PCDH15: variants seen among roughly 807,000 people sequenced by gnomAD.
PCDH15 encodes protocadherin related 15, also known as protocadherin-15.
In PCDH15, 129 loss-of-function variants were observed where a neutral mutation model predicts 178.5. That is an observed-to-expected ratio of 0.72 (90% confidence interval 0.63 to 0.84). The LOEUF (loss-of-function observed/expected upper bound fraction) is 0.84. Among genes scored for constraint, PCDH15 ranks in the 40% least tolerant of loss-of-function variants. The pLI is 0.00. For missense variants in PCDH15, 2,230 were observed against 2,099.9 expected (o/e 1.06, Z -1.21); for synonymous variants, 800 against 732.0 (o/e 1.09, Z -1.50).
intron 2 of PCDH15, among the ~76,000 whole-genome samples, chr10:55,109,679 T>C (rs1837448634): frequency 6.6e-6 from 1 of 152,152 alleles, no homozygotes; most frequent in Non-Finnish European, 1.5e-5. Context: ...TGCCTTTTCC[T>C]TCTGCTTCCT....
chr10:53,909,881 G>A (rs908827383), intron 25 of PCDH15, among the ~76,000 whole-genome samples: 6 of 152,192 alleles, frequency 3.9e-5, no homozygotes, highest in East Asian at 1.9e-4. Flanking sequence ...TGAGTCCCAT[G>A]CCCACGAAGC....
intron 2 of PCDH15, among the ~76,000 whole-genome samples, chr10:54,978,198 G>A (rs1839124888): frequency 6.6e-6 from 1 of 152,044 alleles, no homozygotes; most frequent in South Asian, 2.1e-4. Context: ...AACTAGTAAA[G>A]GTAATATAGA....
At chr10:55,451,550 C>T (rs1276169264) in intron 2 of PCDH15, among the ~76,000 whole-genome samples, 1 of 151,974 alleles carries the variant, frequency 6.6e-6, no homozygotes, top group African/African-American at 2.4e-5. Flanking sequence ...TACTGTGGCA[C>T]ATTAAAATTT....
intron 1 of PCDH15, among the ~76,000 whole-genome samples, chr10:54,781,613 AATAT>A (rs1950366520): frequency 6.6e-6 from 1 of 152,154 alleles, no homozygotes; most frequent in Admixed American, 6.6e-5. Context: ...TTTTCCAATA[AATAT>A]ACTGTGAATG....
chr10:54,287,888 G>T (rs1207940851), intron 8 of PCDH15, among the ~76,000 whole-genome samples: 1 of 152,136 alleles, frequency 6.6e-6, no homozygotes, highest in Non-Finnish European at 1.5e-5. Context: ...TCTGGTTAGA[G>T]ATGGACTCTG....
chr10:54,797,325 A>C (rs1384354822), intron 1 of PCDH15, among the ~76,000 whole-genome samples: 1 of 151,996 alleles, frequency 6.6e-6, no homozygotes, highest in African/African-American at 2.4e-5. Flanking sequence ...CATTTTCTTT[A>C]GTTTTTTGAA....
chr10:54,251,959 T>C (rs1046176389), intron 8 of PCDH15, among the ~76,000 whole-genome samples: 1 of 151,722 alleles, frequency 6.6e-6, no homozygotes, highest in African/African-American at 2.4e-5. Context: ...TCTTATTAAA[T>C]ATATGCTCCC....
chr10:54,571,674 G>A (rs1276527574), intron 2 of PCDH15, among the ~76,000 whole-genome samples: 1 of 152,126 alleles, frequency 6.6e-6, no homozygotes, highest in Non-Finnish European at 1.5e-5. Context: ...AAATGGGAGT[G>A]ATGAATAGCT....
intron 15 of PCDH15, among the ~76,000 whole-genome samples, chr10:54,107,866 T>C (rs2094945484): frequency 2.0e-5 from 3 of 152,230 alleles, no homozygotes; most frequent in South Asian, 4.2e-4. Context: ...AAGGAGGTCA[T>C]TCAAGATGTC....
chr10:55,488,189 T>C (rs1840339193), intron 2 of PCDH15, among the ~76,000 whole-genome samples: 1 of 151,674 alleles, frequency 6.6e-6, no homozygotes. Flanking sequence ...GTGTATATTT[T>C]CTTTAAAGTC....
intron 2 of PCDH15, among the ~76,000 whole-genome samples, chr10:55,566,841 TGTC>T (rs1842312063): frequency 2.0e-5 from 3 of 152,004 alleles, no homozygotes; most frequent in Admixed American, 2.0e-4. Flanking sequence ...ATTGTTATAA[TGTC>T]AACACCACAG....
At chr10:54,950,020 T>A (rs1331229491) in intron 2 of PCDH15, among the ~76,000 whole-genome samples, 1 of 152,026 alleles carries the variant, frequency 6.6e-6, no homozygotes, top group Non-Finnish European at 1.5e-5. Context: ...AACCTCTGCC[T>A]CTTACCAAGT....
At chr10:55,248,278 A>C (rs775443907) in intron 1 of PCDH15, among the ~76,000 whole-genome samples, 82 of 152,046 alleles carry the variant, frequency 5.4e-4, no homozygotes, top group Non-Finnish European at 1.8e-4. Flanking sequence ...TCATTTTGAA[A>C]AAAACACTTA....
chr10:54,553,339 T>C, intron 2 of PCDH15, among the ~76,000 whole-genome samples: 1 of 151,966 alleles, frequency 6.6e-6, no homozygotes, highest in East Asian at 2.0e-4. Context: ...ACTGTGATGG[T>C]GGGGTCTAGG....
chr10:55,249,165 G>A (rs1187354403), intron 1 of PCDH15, among the ~76,000 whole-genome samples: 6 of 152,154 alleles, frequency 3.9e-5, no homozygotes, highest in East Asian at 1.9e-4. Context: ...AGTATAATCC[G>A]AGGGAAAAGC....
At chr10:54,176,122 T>A (rs1317812791) in intron 13 of PCDH15, among the ~76,000 whole-genome samples, 1 of 152,156 alleles carries the variant, frequency 6.6e-6, no homozygotes, top group East Asian at 1.9e-4. Flanking sequence ...AAATTAGGTG[T>A]TTTCTAAACT....
In PCDH15 at chr10:53,888,666, T is replaced by TAG. The variant is rs1564692782; in HGVS notation, c.3501+14576_3501+14577insCT. Among the ~76,000 whole-genome samples the TAG allele has an allele frequency of 2.4e-3, 55 of 22,814 alleles. 1 individual carries two copies. Among genetic ancestry groups the TAG allele is most frequent in the African/African-American group, 8.8e-3 (51 of 5,812 alleles). The allele number at this position is 22,814 out of a possible 152,430, so 15.0% of individuals were successfully genotyped here. Reference sequence around the variant, plus strand: ...TCAATTCCCTAGCAGTTAAGTTTGATATATATATATATATATATATATATA... The same window carrying TAG: ...TCAATTCCCTAGCAGTTAAGTTTGATAGATATATATATATATATATATATATA... On this transcript the variant is annotated intron_variant, in intron 26 of 37. Coordinates refer to ENST00000644397, the MANE Select transcript of PCDH15 (RefSeq NM_001384140.1).
chr10:54,777,507 C>T (rs762954192), intron 1 of PCDH15, among the ~76,000 whole-genome samples: 8 of 152,098 alleles, frequency 5.3e-5, no homozygotes, highest in Admixed American at 1.3e-4. Flanking sequence ...GGATATGAGG[C>T]GCTCTCATCA....
At position 54,020,258 on chromosome 10, in the gene PCDH15, C is replaced by G. The variant is rs759471464; in HGVS notation, c.2685G>C (p.Leu895=). ...FPDQEASITF[L]VEAFDIYGTM... ...TTCCATAAATATCAAAGGCCTCTACCAGAAAAGTGATACTTGCTTCTTGGT... is the reference window on the plus strand; with the variant it reads ...TTCCATAAATATCAAAGGCCTCTACGAGAAAAGTGATACTTGCTTCTTGGT... Residue 895 remains leucine, a synonymous_variant, in exon 20 of 38, where the codon CTG becomes CTC. Coordinates refer to ENST00000644397, the MANE Select transcript of PCDH15 (RefSeq NM_001384140.1). 16 of 1,613,576 alleles carry G rather than the reference C, an allele frequency of 9.9e-6. No individual in the cohort carries two copies. The highest frequency in any genetic ancestry group is 1.4e-5 in the Non-Finnish European group (16 of 1,179,778).
Sources: gnomAD v4.1 joint callset for allele counts (sites outside exome capture counted in the v4.1 genomes callset) on GRCh38, gnomAD v4.1.1 for gene constraint, MANE v1.5 for transcripts, NCBI Gene and HGNC (gene_info 2026-07-23, HGNC 2026-07-21) for gene names.